TGIF1: variants seen among roughly 807,000 people sequenced by gnomAD.
TGIF1 encodes TGFB induced factor homeobox 1.
Under a neutral mutation model 19.3 loss-of-function variants are expected in TGIF1, and 4 were observed. The observed-to-expected ratio is 0.21, with a 90% CI of 0.10 to 0.47. The LOEUF is 0.47. Among genes scored for constraint, TGIF1 ranks in the 20% least tolerant of loss-of-function variants. The probability of loss-of-function intolerance (pLI) is 0.98; values close to 1 mark genes in which losing one functional copy is unlikely to be tolerated. For missense variants in TGIF1, 275 were observed against 341.4 expected (o/e 0.81, Z 1.53); for synonymous variants, 122 against 129.3 (o/e 0.94, Z 0.38).
chr18:3,414,036 A>G (rs908660486), intron 1 of TGIF1, among the ~76,000 whole-genome samples: 1 of 152,218 alleles, frequency 6.6e-6, no homozygotes, highest in Admixed American at 6.5e-5. Context: ...TAATTTGCCT[A>G]AGGTCACAGA....
chr18:3,448,602 C>A, upstream of TGIF1: 14 of 985,380 alleles, frequency 1.4e-5, no homozygotes, highest in Non-Finnish European at 1.7e-5. Flanking sequence ...CGTAAGGTTG[C>A]TGCCTTCTTA....
chr18:3,452,382 G>C (rs770386806), intron 1 of TGIF1: 8 of 1,613,158 alleles, frequency 5.0e-6, no homozygotes, highest in Non-Finnish European at 6.8e-6. Flanking sequence ...AACAATGAAA[G>C]GTGACGGGCT....
chr18:3,447,489 C>T, upstream of TGIF1: 1 of 596,008 alleles, frequency 1.7e-6, no homozygotes. Flanking sequence ...ATACCCTAAG[C>T]AATTGCTGGT....
At chr18:3,438,071 C>T (rs957576103) in intron 2 of TGIF1, among the ~76,000 whole-genome samples, 4 of 150,272 alleles carry the variant, frequency 2.7e-5, no homozygotes, top group South Asian at 2.1e-4. Flanking sequence ...GTGACAAGAG[C>T]GAAAGTCCGT....
At chr18:3,448,931 CT>C (rs1468392119), upstream of TGIF1, among the ~76,000 whole-genome samples, 1 of 152,140 alleles carries the variant, frequency 6.6e-6, no homozygotes, top group East Asian at 1.9e-4. Flanking sequence ...GGCGCTGTCT[CT>C]GCTAGGCTTA....
intron 2 of TGIF1, among the ~76,000 whole-genome samples, chr18:3,426,510 T>C (rs2082471622): frequency 6.6e-6 from 1 of 152,112 alleles, no homozygotes; most frequent in Non-Finnish European, 1.5e-5. Flanking sequence ...AGACTGATAA[T>C]GGAGAATGTT....
Position 3,451,998 on chromosome 18 carries a change from CG to C in TGIF1, c.16+1496del, listed in dbSNP as rs760859108. The C allele has an allele frequency of 1.2e-5, 19 of 1,601,860 alleles. No individual in the cohort carries two copies. The African/African-American group carries it at 2.0e-4, about 17-fold the overall frequency. ...TTCGAGGATGGTTCTAGCGCAGAGC[CG>C]GGTGTCTGCCGGGGTGGGCTCCCCG... On this transcript the variant is annotated intron_variant, in intron 1 of 2. Transcript: ENST00000343820. This position sits in a 1 kb window ranked among gnomAD's most constrained non-coding sequence, Gnocchi z 5.4.
chr18:3,448,100 C>G (rs2082779739), upstream of TGIF1: 1 of 930,900 alleles, frequency 1.1e-6, no homozygotes, highest in Non-Finnish European at 1.2e-6. Flanking sequence ...TTAAACCGAC[C>G]GAAGGCGTGT....
chr18:3,449,621 CCCGCGT>C, upstream of TGIF1: 2 of 984,860 alleles, frequency 2.0e-6, no homozygotes, highest in East Asian at 1.1e-4. Context: ...CCGCGCCGCG[CCCGCGT>C]GTCAATGGCA....
chr18:3,422,605 A>G (rs6506124), intron 2 of TGIF1, among the ~76,000 whole-genome samples: 116,799 of 149,526 alleles, frequency 0.78, 45,953 homozygotes, highest in African/African-American at 0.89. Flanking sequence ...CCACTCACTC[A>G]CCGACTCACT....
At chr18:3,450,681 C>T (rs562485946) in intron 1 of TGIF1, among the ~76,000 whole-genome samples, 176 bp downstream of exon 1, 11 of 152,306 alleles carry the variant, frequency 7.2e-5, no homozygotes, top group African/African-American at 2.6e-4. Context: ...TGTTTTCCTG[C>T]TAGACACAAC....
rs184571011 is a variant in TGIF1 at position 3,451,608 on chromosome 18, C to T, written c.16+1103C>T. 3.9e-5 allele frequency: 42 copies of T among 1,065,174 alleles called. No individual in the cohort carries two copies. Among genetic ancestry groups the T allele is most frequent in the Middle Eastern group, 4.2e-4 (1 of 2,386 alleles). The allele number at this position is 1,065,174 out of a possible 1,614,324, so 66.0% of individuals were successfully genotyped here. On this transcript the variant is annotated intron_variant, in intron 1 of 2. Coordinates refer to ENST00000343820, the MANE Select transcript of TGIF1 (RefSeq NM_003244.4). The surrounding 1 kb of genome is among the most constrained non-coding windows in gnomAD (Gnocchi z 5.4). ...TTGGAACTCCACATTCTTTCAGACC[C>T]GGCCCGCTGCGGGGCGTTCCTGGGG... is the stretch of plus-strand genomic sequence containing the variant.
At chr18:3,450,110 G>A (rs1307635123), upstream of TGIF1, 1 of 1,065,642 alleles carries the variant, frequency 9.4e-7, no homozygotes, top group Non-Finnish European at 1.1e-6. Flanking sequence ...GCGGGAGGGG[G>A]ACGGGGCGGG....
At chr18:3,449,065 GA>G (rs2082814589), upstream of TGIF1, among the ~76,000 whole-genome samples, 1 of 152,152 alleles carries the variant, frequency 6.6e-6, no homozygotes, top group South Asian at 2.1e-4. Flanking sequence ...AGAACCAGAG[GA>G]GGGGGCATGC....
chr18:3,424,246 TG>T (rs1431251896), intron 2 of TGIF1, among the ~76,000 whole-genome samples: 1 of 150,332 alleles, frequency 6.7e-6, no homozygotes, highest in African/African-American at 2.5e-5. Context: ...TTTTTTTTGT[TG>T]TTTTTTTTTA....
chr18:3,437,860 G>T (rs1285788275), intron 2 of TGIF1, among the ~76,000 whole-genome samples: 1 of 152,190 alleles, frequency 6.6e-6, no homozygotes, highest in Non-Finnish European at 1.5e-5. Context: ...AAGGCAGGCG[G>T]ATCACCTGAG....
Position 3,451,864 on chromosome 18 carries a change from CCGAGACGCCCCGTGAA to C in TGIF1, c.16+1360_16+1375del. 3 of 1,414,768 alleles carry C rather than the reference CCGAGACGCCCCGTGAA, an allele frequency of 2.1e-6. No homozygotes were observed. In the South Asian group the frequency reaches 5.3e-5, roughly 25 times the overall value. 87.6% of individuals were successfully genotyped at this position (1,414,768 alleles called of 1,614,324 possible). On this transcript the variant is annotated intron_variant, in intron 1 of 2. Coordinates refer to ENST00000343820, the MANE Select transcript of TGIF1 (RefSeq NM_003244.4). The surrounding 1 kb of genome is among the most constrained non-coding windows in gnomAD (Gnocchi z 5.4). ...CTGGGAGAAAACGCGCGGGGGGCGT[CCGAGACGCCCCGTGAA>C]AGCCGTGCCGACCCTTGGGAGGACT...
intron 1 of TGIF1, chr18:3,452,317 C>G (rs770458997): frequency 1.9e-6 from 3 of 1,612,928 alleles, no homozygotes; most frequent in Non-Finnish European, 1.7e-6. Flanking sequence ...TGGGAACTTC[C>G]GCGGTCCCCA....
chr18:3,434,392 C>T (rs1023751653), intron 2 of TGIF1, among the ~76,000 whole-genome samples: 10 of 152,028 alleles, frequency 6.6e-5, no homozygotes, highest in Non-Finnish European at 1.0e-4. Context: ...CAAAATTACC[C>T]GGGCGTGGTG....
Sources: allele counts gnomAD v4.1 joint callset (sites outside exome capture counted in the v4.1 genomes callset), GRCh38; gene constraint gnomAD v4.1.1; non-coding constraint Gnocchi (gnomAD v3.1); transcripts MANE v1.5; gene names NCBI Gene and HGNC (gene_info 2026-07-23, HGNC 2026-07-21).